PCDH15: variants seen among roughly 807,000 people sequenced by gnomAD.
PCDH15 encodes the protein protocadherin related 15, also known as protocadherin-15.
A neutral mutation model predicts 178.5 loss-of-function variants in PCDH15; 129 were observed. That is an observed-to-expected ratio of 0.72 (90% CI 0.63 to 0.84). The LOEUF (loss-of-function observed/expected upper bound fraction) is 0.84. Among genes scored for constraint, PCDH15 ranks in the 40% least tolerant of loss-of-function variants. The probability of loss-of-function intolerance (pLI) is 0.00; values close to 1 mark genes in which losing one functional copy is unlikely to be tolerated. For synonymous variants in PCDH15, 800 were observed against 732.0 expected (o/e 1.09, Z -1.50); for missense variants, 2,230 against 2,099.9 (o/e 1.06, Z -1.21).
rs545651004 is a variant in PCDH15, at chr10:55,058,980, A to G, written c.-80+107596T>C. ...CTCATTAAATCAGGTATTGAATCACATAAAACCACAAAGCAGAGCAGTTTC... is the reference window on the plus strand; with the variant it reads ...CTCATTAAATCAGGTATTGAATCACGTAAAACCACAAAGCAGAGCAGTTTC... On this transcript the variant is annotated intron_variant, in intron 2 of 5. Coordinates refer to the PCDH15 transcript ENST00000458638. 7.9e-5 allele frequency among the ~76,000 whole-genome samples: 12 copies of G among 152,356 alleles called. No individual in the cohort carries two copies. In the South Asian group the frequency reaches 2.5e-3, roughly 32 times the overall value.
chr10:54,877,591 T>A (rs1954169255), intron 3 of PCDH15, among the ~76,000 whole-genome samples: 1 of 152,060 alleles, frequency 6.6e-6, no homozygotes, highest in African/African-American at 2.4e-5. Flanking sequence ...AAGAAACAAA[T>A]AACATATTAG....
At chr10:54,423,100 C>T (rs1955760909) in intron 3 of PCDH15, among the ~76,000 whole-genome samples, 1 of 151,982 alleles carries the variant, frequency 6.6e-6, no homozygotes, top group Admixed American at 6.6e-5. Context: ...TTTTGCTCTT[C>T]TAAGTTTCTA....
intron 2 of PCDH15, among the ~76,000 whole-genome samples, chr10:55,104,913 A>C (rs893261563): frequency 1.3e-5 from 2 of 152,194 alleles, no homozygotes; most frequent in Admixed American, 1.3e-4. Flanking sequence ...GGAGAGATGA[A>C]CTGCTCATGC....
At chr10:55,399,573 C>T (rs1481536834) in intron 2 of PCDH15, among the ~76,000 whole-genome samples, 1 of 152,000 alleles carries the variant, frequency 6.6e-6, no homozygotes, top group African/African-American at 2.4e-5. Flanking sequence ...AGAATCAGAG[C>T]AGCAGGAGTT....
intron 2 of PCDH15, among the ~76,000 whole-genome samples, chr10:55,137,166 T>C (rs1242581883): frequency 6.6e-6 from 1 of 152,222 alleles, no homozygotes; most frequent in Non-Finnish European, 1.5e-5. Context: ...TACCGCATGA[T>C]ATTTCATACA....
chr10:54,764,750 A>T (rs1470763131), intron 1 of PCDH15, among the ~76,000 whole-genome samples: 1 of 152,150 alleles, frequency 6.6e-6, no homozygotes, highest in Non-Finnish European at 1.5e-5. Context: ...TTCTGAGTAT[A>T]TGTCAGGGAA....
chr10:55,235,370 T>C (rs922844788), intron 1 of PCDH15, among the ~76,000 whole-genome samples: 1 of 152,100 alleles, frequency 6.6e-6, no homozygotes, highest in Non-Finnish European at 1.5e-5. Flanking sequence ...CCCTAAAAAA[T>C]ATGGAATTAT....
chr10:55,306,114 GA>G (rs1843419004), intron 1 of PCDH15, among the ~76,000 whole-genome samples: 1 of 152,088 alleles, frequency 6.6e-6, no homozygotes, highest in Non-Finnish European at 1.5e-5. Context: ...TTAACATTGT[GA>G]AAATATGGAT....
At chr10:53,994,592 A>G (rs1413994686) in intron 21 of PCDH15, 1 of 152,168 alleles carries the variant, frequency 6.6e-6, no homozygotes, top group Admixed American at 6.5e-5. Context: ...CACATTCACT[A>G]TCTTTATTGA....
At chr10:54,723,034 TA>T (rs922573784) in intron 1 of PCDH15, among the ~76,000 whole-genome samples, 76 of 149,700 alleles carry the variant, frequency 5.1e-4, no homozygotes, top group Middle Eastern at 3.4e-3. Flanking sequence ...TACATAATTA[TA>T]AAAAAAAAAT....
chr10:54,889,500 G>GATATATATATATATAC (rs1554811036), intron 3 of PCDH15, among the ~76,000 whole-genome samples: 4 of 142,008 alleles, frequency 2.8e-5, no homozygotes, highest in Admixed American at 1.4e-4. Context: ...TAATTGTGAA[G>GATATATATATATATAC]ATATATATAT....
At chr10:54,232,858 T>A (rs1272285226) in intron 9 of PCDH15, among the ~76,000 whole-genome samples, 3 of 151,872 alleles carry the variant, frequency 2.0e-5, no homozygotes, top group African/African-American at 4.8e-5. Context: ...ACTGATTTCC[T>A]AATCCCTCTT....
At chr10:54,152,311 C>G (rs1306785846) in intron 14 of PCDH15, among the ~76,000 whole-genome samples, 1 of 152,076 alleles carries the variant, frequency 6.6e-6, no homozygotes, top group African/African-American at 2.4e-5. Flanking sequence ...AAATATTTCT[C>G]CATTGTCAAT....
At chr10:54,083,027 C>G (rs967871401) in intron 16 of PCDH15, among the ~76,000 whole-genome samples, 1 of 151,860 alleles carries the variant, frequency 6.6e-6, no homozygotes, top group Non-Finnish European at 1.5e-5. Context: ...AGTCATCAGG[C>G]AAATGCAAAT....
At chr10:55,336,250 A>G (rs534426197) in intron 2 of PCDH15, among the ~76,000 whole-genome samples, 18 of 151,412 alleles carry the variant, frequency 1.2e-4, no homozygotes, top group Non-Finnish European at 2.4e-4. Context: ...CTGTAATCCC[A>G]GCACTTTGTG....
intron 2 of PCDH15, among the ~76,000 whole-genome samples, chr10:55,344,283 T>C (rs1325634029): frequency 6.6e-6 from 1 of 152,142 alleles, no homozygotes; most frequent in Non-Finnish European, 1.5e-5. Context: ...GTTATATAGA[T>C]AGCCGTTAGA....
At chr10:54,293,377 T>C (rs893529701) in intron 8 of PCDH15, among the ~76,000 whole-genome samples, 1 of 152,146 alleles carries the variant, frequency 6.6e-6, no homozygotes, top group Non-Finnish European at 1.5e-5. Context: ...GAGGAAAACC[T>C]AGGCAATACC....
chr10:54,558,134 T>C (rs1045293222), intron 2 of PCDH15, among the ~76,000 whole-genome samples: 2 of 152,064 alleles, frequency 1.3e-5, no homozygotes, highest in Non-Finnish European at 2.9e-5. Flanking sequence ...TGGTATTGAT[T>C]TTGATTGATT....
At chr10:54,448,228 A>G (rs2076260089) in intron 3 of PCDH15, among the ~76,000 whole-genome samples, 1 of 151,756 alleles carries the variant, frequency 6.6e-6, no homozygotes, top group Admixed American at 6.6e-5. Context: ...TAAACAAATA[A>G]TAAAGTGTTT....
Sources: allele counts gnomAD v4.1 joint callset (sites outside exome capture counted in the v4.1 genomes callset), GRCh38; gene constraint gnomAD v4.1.1; transcripts MANE v1.5; gene names NCBI Gene and HGNC (gene_info 2026-07-23, HGNC 2026-07-21).